The following OBI1 variants were observed in gnomAD, a reference collection of about 807,000 sequenced individuals.
OBI1 encodes the protein ring finger protein 219.
In OBI1, 59 loss-of-function variants were observed where a neutral mutation model predicts 62.4. The observed-to-expected ratio is 0.95, with a 90% CI of 0.77 to 1.17. OBI1 has a LOEUF of 1.17. OBI1 is among the 50% of genes most tolerant of loss of function. OBI1 has a pLI of 0.00. For missense variants in OBI1, 875 were observed against 830.9 expected, an observed-to-expected ratio of 1.05 and a Z score of -0.65; for synonymous variants, 302 against 292.8, an observed-to-expected ratio of 1.03 and a Z score of -0.32.
In OBI1 at chr13:78,638,852, C is replaced by G; in HGVS notation, c.520G>C (p.Val174Leu). 6.2e-7 allele frequency: 1 copy of G among 1,613,404 alleles called. No homozygotes were observed. Among genetic ancestry groups the G allele is most frequent in the Non-Finnish European group, 8.5e-7 (1 of 1,179,840 alleles). The stretch of plus-strand genomic sequence containing the variant: ...TTTAGCTTATCCACATCATCTTTCA[C>G]TTTTTCATAGATTTCATTAGCTGTT... ...LRTANEIYEK[V>L]KDDVDKLKEA... The change falls in exon 4 of 6, where the codon GTG becomes CTG. Residue 174 changes from valine (V) to leucine (L), a missense_variant. By Grantham distance (32) the Val-to-Leu change is conservative (BLOSUM62 1). Transcript: ENST00000282003.
chr13:78,647,594 G>A (rs960104984), intron 1 of OBI1, among the ~76,000 whole-genome samples: 22 of 152,200 alleles, frequency 1.4e-4, no homozygotes, highest in Admixed American at 3.9e-4. Context: ...CTCTTGCTGA[G>A]ATAGTAAAAC....
Position 78,638,850 on chromosome 13 carries a change from C to G in OBI1, c.522G>C (p.Val174=). The change falls in exon 4 of 6, where the codon GTG becomes GTC. Residue 174 remains valine, a synonymous_variant. Transcript: ENST00000282003. ...CCTTTAGCTTATCCACATCATCTTT[C>G]ACTTTTTCATAGATTTCATTAGCTG... ...LRTANEIYEK[V]KDDVDKLKEA... 1 of 1,613,304 alleles carries G rather than the reference C, an allele frequency of 6.2e-7. No individual in the cohort carries two copies. Among genetic ancestry groups the G allele is most frequent in the South Asian group, 1.1e-5 (1 of 90,952 alleles).
At chr13:78,625,031 T>A (rs1213370391) in intron 5 of OBI1, among the ~76,000 whole-genome samples, 4 of 152,218 alleles carry the variant, frequency 2.6e-5, no homozygotes, top group Admixed American at 2.6e-4. Context: ...CTATTCTATT[T>A]GACAAATATA....
At position 78,626,543 on chromosome 13, in the gene OBI1, C is replaced by CTG. The variant is rs879501891; in HGVS notation, c.638+8566_638+8567insCA. 9.1e-3 allele frequency among the ~76,000 whole-genome samples: 1,391 copies of CTG among 152,066 alleles called. 21 individuals are homozygous for CTG. The highest frequency in any genetic ancestry group is 0.03 in the African/African-American group (1,246 of 41,446). The stretch of plus-strand genomic sequence containing the variant: ...TCTGTCTAGGAAAATTAGGGAGGGC[C>CTG]TCACATATAAACCAACAACTGGGCT... On this transcript the variant is annotated intron_variant, in intron 5 of 5. Coordinates refer to ENST00000282003, the MANE Select transcript of OBI1 (RefSeq NM_024546.4).
chr13:78,630,408 A>G (rs1875809722), intron 5 of OBI1, among the ~76,000 whole-genome samples: 1 of 152,138 alleles, frequency 6.6e-6, no homozygotes, highest in Non-Finnish European at 1.5e-5. Flanking sequence ...GCCTTTTGCC[A>G]AAGTATTCTA....
chr13:78,649,460 C>G (rs1362414975), intron 1 of OBI1, among the ~76,000 whole-genome samples: 1 of 152,302 alleles, frequency 6.6e-6, no homozygotes, highest in South Asian at 2.1e-4. Flanking sequence ...GCTTGGAAGT[C>G]ACTCTGATCA....
At chr13:78,623,444 TGATA>T (rs1415333697) in intron 5 of OBI1, among the ~76,000 whole-genome samples, 1 of 152,132 alleles carries the variant, frequency 6.6e-6, no homozygotes, top group African/African-American at 2.4e-5. Flanking sequence ...GCTATATGCT[TGATA>T]TATATTATCT....
chr13:78,620,620 G>A (rs1032280472), intron 5 of OBI1: 4 of 456,606 alleles, frequency 8.8e-6, no homozygotes, highest in Admixed American at 7.0e-5. Context: ...CTGGATGAGA[G>A]AGAAAAGGAT....
Position 78,636,908 on chromosome 13 carries a change from G to A in OBI1, c.550-1710C>T, listed in dbSNP as rs555812664. ...ACCACTACTGTATGGCTATGTTTCA[G>A]TCTCTCAACAGTCCTTTGACTCTCT... is the stretch of plus-strand genomic sequence containing the variant. On this transcript the variant is annotated intron_variant, in intron 4 of 5. Coordinates refer to ENST00000282003, the MANE Select transcript of OBI1 (RefSeq NM_024546.4). 2.0e-5 allele frequency among the ~76,000 whole-genome samples: 3 copies of A among 152,214 alleles called. No homozygotes were observed. The South Asian group carries it at 6.2e-4, about 32-fold the overall frequency.
intron 3 of OBI1, among the ~76,000 whole-genome samples, chr13:78,639,477 C>A (rs901664270): frequency 1.4e-4 from 22 of 151,806 alleles, no homozygotes; most frequent in Admixed American, 4.6e-4. Flanking sequence ...TTTGACCCAG[C>A]CATCCCATTA....
At chr13:78,620,798 A>G in intron 5 of OBI1, 2 of 359,174 alleles carry the variant, frequency 5.6e-6, no homozygotes, top group Non-Finnish European at 5.4e-6. Context: ...ATAGTCTATC[A>G]CACAGAAAAA....
At chr13:78,657,542 C>A (rs1015728070) in intron 1 of OBI1, among the ~76,000 whole-genome samples, 2 of 152,104 alleles carry the variant, frequency 1.3e-5, no homozygotes, top group Admixed American at 1.3e-4. Flanking sequence ...ATAATATATG[C>A]ATACAAAAGC....
At chr13:78,650,844 C>T (rs1443791583) in intron 1 of OBI1, among the ~76,000 whole-genome samples, 1 of 152,008 alleles carries the variant, frequency 6.6e-6, no homozygotes, top group Non-Finnish European at 1.5e-5. Flanking sequence ...GCCTCCACTA[C>T]ACACTTGCTC....
At position 78,616,565 on chromosome 13, in the gene OBI1, TG is replaced by T; in HGVS notation, c.1195del (p.Gln399SerfsTer49). Reference protein sequence around the residue: ...PCTPLSLSCLQLSTPENRESS... With the variant: ...PCTPLSLSCLXLSTPENRESS... ...CTCTCTATTTTCTGGAGTACTGAGC[TG>T]AAGGCAACTAAGGGACAAAGGAGTA... On this transcript the variant is annotated frameshift_variant, in exon 6 of 6. Transcript: ENST00000282003. LOFTEE classifies it high-confidence loss of function. 1 of 1,614,148 alleles carries T rather than the reference TG, an allele frequency of 6.2e-7. No homozygotes were observed. The highest frequency in any genetic ancestry group is 8.5e-7 in the Non-Finnish European group (1 of 1,180,040).
chr13:78,646,522 C>T (rs1360538131), intron 1 of OBI1, among the ~76,000 whole-genome samples: 5 of 152,112 alleles, frequency 3.3e-5, no homozygotes, highest in Non-Finnish European at 5.9e-5. Context: ...TACATGGTCT[C>T]TTCACGGTGG....
chr13:78,642,407 A>G (rs77893667), intron 2 of OBI1, among the ~76,000 whole-genome samples, 194 bp from the exon 3 acceptor site: 3,328 of 152,258 alleles, frequency 0.022, 60 homozygotes, highest in Non-Finnish European at 0.036. Context: ...AAATAACACC[A>G]TAAGAAATAC....
At chr13:78,620,760 C>CA (rs1289246810) in intron 5 of OBI1, 1 of 410,658 alleles carries the variant, frequency 2.4e-6, no homozygotes, top group African/African-American at 2.1e-5. Flanking sequence ...TCTCTAACAA[C>CA]AAAAAGTTCC....
chr13:78,642,514 T>C (rs1876250161), intron 2 of OBI1, among the ~76,000 whole-genome samples: 1 of 152,222 alleles, frequency 6.6e-6, no homozygotes, highest in African/African-American at 2.4e-5. Flanking sequence ...TTGGACTACT[T>C]CAAATTCTGA....
At chr13:78,634,094 C>CAAAAAAAAAAAACAAAAAACAAAAAAA (rs1875945926) in intron 5 of OBI1, among the ~76,000 whole-genome samples, 1 of 86,348 alleles carries the variant, frequency 1.2e-5, no homozygotes, top group Non-Finnish European at 2.5e-5. Flanking sequence ...AAACAAAAAA[C>CAAAAAAAAAAAACAAAAAACAAAAAAA]AAAAAAAAAA....
Sources: allele counts gnomAD v4.1 joint callset (sites outside exome capture counted in the v4.1 genomes callset), GRCh38; gene constraint gnomAD v4.1.1; transcripts MANE v1.5; gene names NCBI Gene and HGNC (gene_info 2026-07-23, HGNC 2026-07-21).